The following INTU variants were observed in gnomAD, a reference collection of about 807,000 sequenced individuals.
INTU encodes protein inturned.
In INTU, 68 loss-of-function variants were observed where a neutral mutation model predicts 100.5. The observed-to-expected ratio is 0.68, with a 90% CI of 0.56 to 0.83. The LOEUF (loss-of-function observed/expected upper bound fraction) is 0.83. Among genes scored for constraint, INTU ranks in the 40% least tolerant of loss-of-function variants. INTU has a pLI of 0.00. For synonymous variants in INTU, 357 were observed against 395.7 expected (o/e 0.90, Z 1.16); for missense variants, 1,071 against 1,114.7 (o/e 0.96, Z 0.56).
At chr4:127,669,423 A>G (rs1219572966) in intron 5 of INTU, among the ~76,000 whole-genome samples, 2 of 151,870 alleles carry the variant, frequency 1.3e-5, no homozygotes, top group South Asian at 2.1e-4. Context: ...ACACAGCTGT[A>G]GATCTGGGTG....
intron 8 of INTU, among the ~76,000 whole-genome samples, chr4:127,693,607 G>A (rs750684614): frequency 1.3e-5 from 2 of 151,904 alleles, no homozygotes; most frequent in Non-Finnish European, 2.9e-5. Context: ...TTTGAGTACT[G>A]TGTTGAATAG....
chr4:127,681,911 AAAAC>A (rs1273235234), intron 6 of INTU, among the ~76,000 whole-genome samples: 10 of 152,290 alleles, frequency 6.6e-5, no homozygotes, highest in South Asian at 2.1e-4. Flanking sequence ...CTGCAAGAAA[AAAAC>A]AAACAACCCC....
rs553648577 is a variant in INTU at position 127,657,101 on chromosome 4, G to GT, written c.768+389dup. Among the ~76,000 whole-genome samples the GT allele has an allele frequency of 2.5e-3, 375 of 150,444 alleles. 2 individuals carry two copies. Among genetic ancestry groups the GT allele is most frequent in the African/African-American group, 8.4e-3 (343 of 40,990 alleles). ...TTACTAAGATCACTGTTGCTATAAT[G>GT]TTTTTTTTTCCAATGTGATTTTATT... On this transcript the variant is annotated intron_variant, in intron 3 of 15. Coordinates refer to ENST00000335251, the MANE Select transcript of INTU (RefSeq NM_015693.4).
intron 3 of INTU, among the ~76,000 whole-genome samples, chr4:127,657,734 T>G (rs1046265481): frequency 6.6e-6 from 1 of 150,576 alleles, no homozygotes; most frequent in Non-Finnish European, 1.5e-5. Flanking sequence ...TTTGTCACTG[T>G]CTCCCATCAC....
intron 7 of INTU, chr4:127,685,600 T>C (rs1729787615): frequency 2.7e-6 from 1 of 370,346 alleles, no homozygotes. Flanking sequence ...CATCCATAAA[T>C]AGTGCTTTTA....
chr4:127,695,890 T>A (rs1454058454), intron 8 of INTU, among the ~76,000 whole-genome samples: 3 of 152,122 alleles, frequency 2.0e-5, no homozygotes, highest in Non-Finnish European at 2.9e-5. Context: ...TACTAAGAGT[T>A]TTTATCATGA....
chr4:127,717,093 CA>C lies in INTU; in HGVS notation c.*658del, dbSNP rs375375646. On this transcript the variant is annotated 3_prime_UTR_variant, in exon 16 of 16. Transcript: ENST00000335251. Reference sequence around the variant, plus strand: ...CGGTTTGCTCCACCTATCAACCCATCACCTAGGTATTAAGCCTAGCATGCAT... The same window carrying C: ...CGGTTTGCTCCACCTATCAACCCATCCCTAGGTATTAAGCCTAGCATGCAT... 8 of 152,278 alleles carry C rather than the reference CA, an allele frequency of 5.3e-5. No individual in the cohort carries two copies. In the East Asian group the frequency reaches 1.5e-3, roughly 29 times the overall value. The allele number at this position is 152,278 out of a possible 1,614,324, so 9.4% of individuals were successfully genotyped here.
chr4:127,704,075 T>G (rs1730767834), intron 9 of INTU, among the ~76,000 whole-genome samples, 153 bp from the exon 10 acceptor site: 1 of 152,202 alleles, frequency 6.6e-6, no homozygotes, highest in Non-Finnish European at 1.5e-5. Flanking sequence ...TTGTATTTCA[T>G]CCTAATATTC....
intron 12 of INTU, among the ~76,000 whole-genome samples, chr4:127,707,509 T>C (rs1730938913): frequency 6.6e-6 from 1 of 152,096 alleles, no homozygotes; most frequent in Non-Finnish European, 1.5e-5. Context: ...AATTTCCGTG[T>C]TCATCTCTTC....
intron 8 of INTU, among the ~76,000 whole-genome samples, chr4:127,689,996 A>G (rs1213697454): frequency 6.6e-6 from 1 of 152,154 alleles, no homozygotes; most frequent in African/African-American, 2.4e-5. Flanking sequence ...CCCCTCTGTC[A>G]GAATTTCTTC....
At chr4:127,649,579 A>C (rs1207031878) in intron 2 of INTU, among the ~76,000 whole-genome samples, 2 of 152,014 alleles carry the variant, frequency 1.3e-5, no homozygotes, top group Non-Finnish European at 1.5e-5. Context: ...CTAAATCCAA[A>C]ATGCTCCAAT....
chr4:127,676,966 G>A (rs1019146887), intron 6 of INTU, among the ~76,000 whole-genome samples: 3 of 152,218 alleles, frequency 2.0e-5, no homozygotes, highest in African/African-American at 2.4e-5. Context: ...ATGGCTCGGA[G>A]GGTCCTACGC....
chr4:127,680,829 A>T (rs1432789923), intron 6 of INTU, among the ~76,000 whole-genome samples: 1 of 151,920 alleles, frequency 6.6e-6, no homozygotes, highest in Non-Finnish European at 1.5e-5. Context: ...TTTGCAGATG[A>T]CATAATTGTA....
rs532477316 is a variant in INTU at position 127,687,871 on chromosome 4, A to G, written c.1449+4A>G. ...CACACTTCCACTGGAAATCAAGGTA[A>G]TCTTAGGTATTATAAAGCAGAAGCA... is the stretch of plus-strand genomic sequence containing the variant. On this transcript the variant is annotated splice_donor_region_variant and intron_variant, in intron 8 of 15. Coordinates refer to ENST00000335251, the MANE Select transcript of INTU (RefSeq NM_015693.4). 2 of 1,567,770 alleles carry G rather than the reference A, an allele frequency of 1.3e-6. No homozygotes were observed. The highest frequency in any genetic ancestry group is 1.3e-5 in the African/African-American group (1 of 74,214).
At chr4:127,648,604 T>C (rs1367636505) in intron 2 of INTU, among the ~76,000 whole-genome samples, 1 of 152,192 alleles carries the variant, frequency 6.6e-6, no homozygotes, top group African/African-American at 2.4e-5. Context: ...GTAACAAATT[T>C]AAAATGTTTT....
intron 8 of INTU, 108 bp from the exon 9 acceptor site, chr4:127,699,902 T>C: frequency 1.5e-6 from 1 of 653,494 alleles, no homozygotes. Context: ...AAGAGAAAGA[T>C]ACTCAATTTT....
chr4:127,701,075 A>T (rs1442923583), intron 9 of INTU, among the ~76,000 whole-genome samples: 1 of 152,186 alleles, frequency 6.6e-6, no homozygotes, highest in Admixed American at 6.6e-5. Context: ...AAAACAGCAG[A>T]TAATATGTTG....
chr4:127,674,741 AAGC>A (rs1397580295), intron 6 of INTU, among the ~76,000 whole-genome samples: 1 of 152,152 alleles, frequency 6.6e-6, no homozygotes, highest in Admixed American at 6.5e-5. Context: ...TTGGAGGTAA[AAGC>A]AGGATTGACA....
At chr4:127,709,730 C>CACACAG (rs1272239265) in intron 13 of INTU, among the ~76,000 whole-genome samples, 5 of 151,952 alleles carry the variant, frequency 3.3e-5, no homozygotes, top group Admixed American at 3.3e-4. Flanking sequence ...CACACACACA[C>CACACAG]ACACACACAC....
Sources: allele counts gnomAD v4.1 joint callset (sites outside exome capture counted in the v4.1 genomes callset), GRCh38; gene constraint gnomAD v4.1.1; transcripts MANE v1.5; gene names NCBI Gene and HGNC (gene_info 2026-07-23, HGNC 2026-07-21).